Variants in B4GALT4 observed in about 807,000 individuals in gnomAD.
The protein encoded by B4GALT4 is N-acetyllactosamine synthase.
In B4GALT4, 27 loss-of-function variants were observed where a neutral mutation model predicts 37.3. That is an observed-to-expected ratio of 0.72 (90% CI 0.53 to 1.00). The LOEUF is 1.00. B4GALT4 is among the 50% of genes least tolerant of loss of function. The probability of loss-of-function intolerance (pLI) is 0.00; values close to 1 mark genes in which losing one functional copy is unlikely to be tolerated. For missense variants in B4GALT4, 372 were observed against 413.1 expected (o/e 0.90, Z 0.86); for synonymous variants, 148 against 154.1 (o/e 0.96, Z 0.29).
At chr3:119,226,729 CA>C in intron 4 of B4GALT4, 79 bp downstream of exon 4, 1 of 1,229,950 alleles carries the variant, frequency 8.1e-7, no homozygotes, top group Non-Finnish European at 1.2e-6. Context: ...TTTTACCCAA[CA>C]TAGACAAACA....
Position 119,216,429 on chromosome 3 carries a change from TACACACACACGCACATACACAC to T in B4GALT4, c.798-107_798-86del, listed in dbSNP as rs1196625417. Reference sequence around the variant, plus strand: ...AAAAAGCATCATTTGCGAAAATTTATACACACACACGCACATACACACACACACACACACACACACACAGTGT... The same window carrying T: ...AAAAAGCATCATTTGCGAAAATTTATACACACACACACACACACACAGTGT... On this transcript the variant is annotated intron_variant, in intron 6 of 7. Transcript: ENST00000393765. The T allele has an allele frequency of 2.2e-5, 13 of 595,682 alleles. 1 individual carries two copies. The highest frequency in any genetic ancestry group is 6.5e-5 in the Admixed American group (2 of 30,994). 36.9% of individuals were successfully genotyped at this position (595,682 alleles called of 1,614,324 possible). A position where few individuals can be genotyped will look rare whatever the true frequency, so the allele number is the denominator to read the frequency against.
intron 1 of B4GALT4, among the ~76,000 whole-genome samples, chr3:119,239,347 A>T: frequency 2.8e-5 from 4 of 141,716 alleles, no homozygotes; most frequent in Middle Eastern, 3.5e-3. Context: ...AAAAAATTAT[A>T]TTTTTATCGA....
intron 6 of B4GALT4, among the ~76,000 whole-genome samples, chr3:119,217,048 T>C (rs1379645511): frequency 6.6e-6 from 1 of 152,210 alleles, no homozygotes; most frequent in Non-Finnish European, 1.5e-5. Flanking sequence ...ATTCAAATCA[T>C]CTTAGTTTAT....
intron 7 of B4GALT4, 195 bp from the exon 8 acceptor site, chr3:119,212,876 G>A (rs2078198104): frequency 5.5e-6 from 3 of 541,912 alleles, no homozygotes; most frequent in East Asian, 6.5e-5. Flanking sequence ...CAGACTCCAC[G>A]TGAGAACCCG....
At chr3:119,223,937 A>AT (rs1225825428) in intron 5 of B4GALT4, 121 bp downstream of exon 5, 1 of 1,119,708 alleles carries the variant, frequency 8.9e-7, no homozygotes. Flanking sequence ...TGATGCATAC[A>AT]TTATGGACCA....
In B4GALT4 at chr3:119,224,114, G is replaced by A. The variant is rs2078529166; in HGVS notation, c.618C>T (p.Tyr206=). ...GATGCTTGGGATGCTCCTCACACTT[G>A]TAAAGGTTAAAGTCATTCTCGGGTA... ...DLVPENDFNL[Y]KCEEHPKHLV... is the part of the protein sequence containing the mutation. The change falls in exon 5 of 8, where the codon TAC becomes TAT. Residue 206 remains tyrosine (Y), a synonymous_variant. Coordinates refer to ENST00000393765, the MANE Select transcript of B4GALT4 (RefSeq NM_003778.4). The A allele has an allele frequency of 6.2e-7, 1 of 1,613,934 alleles. No homozygotes were observed. The highest frequency in any genetic ancestry group is 1.3e-5 in the African/African-American group (1 of 74,876).
chr3:119,229,726 G>C, intron 3 of B4GALT4, 121 bp downstream of exon 3: 1 of 1,064,110 alleles, frequency 9.4e-7, no homozygotes, highest in Non-Finnish European at 1.3e-6. Context: ...TATAGTTTTT[G>C]TGACACAGGA....
intron 3 of B4GALT4, among the ~76,000 whole-genome samples, chr3:119,229,600 A>G (rs1021109233): frequency 6.6e-6 from 1 of 152,200 alleles, no homozygotes; most frequent in African/African-American, 2.4e-5. Flanking sequence ...GCAAGATTCC[A>G]TTTCTTAATT....
chr3:119,227,145 G>T, intron 3 of B4GALT4, 104 bp from the exon 4 acceptor site: 1 of 929,268 alleles, frequency 1.1e-6, no homozygotes, highest in Middle Eastern at 2.2e-4. Flanking sequence ...AGCTCACAGT[G>T]AGTACTACAA....
chr3:119,223,218 C>G (rs1316766396), intron 5 of B4GALT4, among the ~76,000 whole-genome samples: 1 of 152,248 alleles, frequency 6.6e-6, no homozygotes, highest in Non-Finnish European at 1.5e-5. Flanking sequence ...TCTCCCCACA[C>G]TGACACTCAA....
At chr3:119,221,922 T>C (rs576775073) in intron 5 of B4GALT4, among the ~76,000 whole-genome samples, 1 of 152,224 alleles carries the variant, frequency 6.6e-6, no homozygotes, top group East Asian at 1.9e-4. Flanking sequence ...GCAAGAGTCA[T>C]ACATATGCTG....
Position 119,224,080 on chromosome 3 carries a change from C to T in B4GALT4, c.652G>A (p.Gly218Ser). ...CEEHPKHLVV[G>S]RNSTGYRLRY... is the part of the protein sequence containing the mutation. ...TACCTGTACCCAGTGCTGTTCCTGC[C>T]AACCACCAGATGCTTGGGATGCTCC... Residue 218 changes from glycine to serine, a missense_variant, in exon 5 of 8, where the codon GGC becomes AGC. Physicochemically the swap from Gly to Ser is moderately conservative, Grantham distance 56. Transcript: ENST00000393765. 13 of 1,613,550 alleles carry T rather than the reference C, an allele frequency of 8.1e-6. No homozygotes were observed. Among genetic ancestry groups the T allele is most frequent in the Non-Finnish European group, 1.1e-5 (13 of 1,179,812 alleles).
Position 119,221,295 on chromosome 3 carries a change from T to G in B4GALT4, c.675-2523A>C, listed in dbSNP as rs115025265. Reference sequence around the variant, plus strand: ...ATAGGCAGTGAGAAACAAGATTTGTTTCTGGCTTCATCAGAGTCTGAGAGA... The same window carrying G: ...ATAGGCAGTGAGAAACAAGATTTGTGTCTGGCTTCATCAGAGTCTGAGAGA... On this transcript the variant is annotated intron_variant, in intron 5 of 7. Transcript: ENST00000393765. 5.7e-3 allele frequency among the ~76,000 whole-genome samples: 872 copies of G among 152,328 alleles called. 7 individuals carry two copies. Among genetic ancestry groups the G allele is most frequent in the African/African-American group, 0.019 (777 of 41,568 alleles).
At chr3:119,216,812 T>C (rs1198745098) in intron 6 of B4GALT4, among the ~76,000 whole-genome samples, 1 of 152,244 alleles carries the variant, frequency 6.6e-6, no homozygotes, top group Non-Finnish European at 1.5e-5. Context: ...ATCTGGACTC[T>C]GTTATTTACA....
At chr3:119,219,252 G>C (rs866450887) in intron 5 of B4GALT4, among the ~76,000 whole-genome samples, 1 of 152,032 alleles carries the variant, frequency 6.6e-6, no homozygotes, top group Non-Finnish European at 1.5e-5. Flanking sequence ...GACAGCTCCC[G>C]CACACACTCT....
Position 119,224,215 on chromosome 3 carries a change from G to A in B4GALT4, c.517C>T (p.Leu173Phe). The A allele has an allele frequency of 6.2e-7, 1 of 1,610,014 alleles. No homozygotes were observed. Among genetic ancestry groups the A allele is most frequent in the African/African-American group, 1.3e-5 (1 of 74,726 alleles). ...GCTTCTAGATAGCCCACATTCAAGA[G>A]TTTGGCTCGATTAAACTTTTTACCT... is the stretch of plus-strand genomic sequence containing the variant. ...AEGKKFNRAK[L>F]LNVGYLEALK... Residue 173 changes from leucine to phenylalanine, a missense_variant, in exon 5 of 8, where the codon CTC becomes TTC. Coordinates refer to ENST00000393765, the MANE Select transcript of B4GALT4 (RefSeq NM_003778.4).
intron 4 of B4GALT4, 107 bp from the exon 5 acceptor site, chr3:119,224,352 A>ACCAC: frequency 5.8e-6 from 4 of 695,224 alleles, no homozygotes; most frequent in South Asian, 3.1e-5. Flanking sequence ...TATTCTACGC[A>ACCAC]CGAGACTACA....
At chr3:119,224,439 C>T (rs1205933092) in intron 4 of B4GALT4, among the ~76,000 whole-genome samples, 194 bp from the exon 5 acceptor site, 1 of 152,232 alleles carries the variant, frequency 6.6e-6, no homozygotes, top group African/African-American at 2.4e-5. Context: ...GTGCTTCACA[C>T]ATACTTATAT....
chr3:119,211,889 GT>G lies in B4GALT4; in HGVS notation c.*659del. The G allele has an allele frequency of 6.7e-6, 3 of 449,432 alleles. No individual in the cohort carries two copies. In the Middle Eastern group the frequency reaches 1.1e-3, roughly 167 times the overall value. 27.8% of individuals were successfully genotyped at this position (449,432 alleles called of 1,614,324 possible). ...AAACTAATAGAGAATGTATTCTCTGGTGGGCATCACTGGAAGGCATACCTGG... is the reference window on the plus strand; with the variant it reads ...AAACTAATAGAGAATGTATTCTCTGGGGGCATCACTGGAAGGCATACCTGG... On this transcript the variant is annotated 3_prime_UTR_variant, in exon 8 of 8. Transcript: ENST00000393765.
Sources: gnomAD v4.1 joint callset for allele counts (sites outside exome capture counted in the v4.1 genomes callset) on GRCh38, gnomAD v4.1.1 for gene constraint, MANE v1.5 for transcripts, NCBI Gene and HGNC (gene_info 2026-07-23, HGNC 2026-07-21) for gene names.